MGST1: variants seen among roughly 807,000 people sequenced by gnomAD.
The protein encoded by MGST1 is microsomal glutathione S-transferase 1, also known as glutathione S-transferase 12.
In MGST1, 5 loss-of-function variants were observed where a neutral mutation model predicts 8.9. The observed-to-expected ratio is 0.56, with a 90% confidence interval of 0.29 to 1.19. The LOEUF is 1.19. Ranked by LOEUF, MGST1 falls within the 50% of genes most tolerant of loss-of-function variation. The probability of loss-of-function intolerance (pLI) is 0.08; values close to 1 mark genes in which losing one functional copy is unlikely to be tolerated. For missense variants in MGST1, 182 were observed against 187.4 expected, an observed-to-expected ratio of 0.97 and a Z score of 0.17; for synonymous variants, 54 against 67.8, an observed-to-expected ratio of 0.80 and a Z score of 1.00.
At chr12:16,577,187 A>G (rs1354222820) in intron 4 of MGST1, among the ~76,000 whole-genome samples, 1 of 152,176 alleles carries the variant, frequency 6.6e-6, no homozygotes, top group Non-Finnish European at 1.5e-5. Context: ...CTAAAGAGTT[A>G]ACAAACAGCA....
downstream of MGST1, among the ~76,000 whole-genome samples, chr12:16,590,855 C>T (rs991906866): frequency 1.3e-5 from 2 of 151,940 alleles, no homozygotes; most frequent in Non-Finnish European, 2.9e-5. Flanking sequence ...ATCACGTGAC[C>T]AAATCCAGAA....
At chr12:16,554,013 C>T (rs1257583857) in intron 4 of MGST1, among the ~76,000 whole-genome samples, 1 of 151,918 alleles carries the variant, frequency 6.6e-6, no homozygotes, top group Non-Finnish European at 1.5e-5. Flanking sequence ...ATTAATTTTA[C>T]CCTCATTTAA....
Position 16,356,100 on chromosome 12 carries a change from C to T in MGST1, c.127-1505C>T, listed in dbSNP as rs149437502. Among the ~76,000 whole-genome samples, 47 of 152,292 alleles carry T rather than the reference C, an allele frequency of 3.1e-4. 1 individual carries two copies. In the South Asian group the frequency reaches 7.5e-3, roughly 24 times the overall value. On this transcript the variant is annotated intron_variant, in intron 2 of 3. Transcript: ENST00000396210. Reference sequence around the variant, plus strand: ...TTTAATCTCATTCATGAGGACTCCACTCTCTTCACCTAATTACCTCCCAAA... The same window carrying T: ...TTTAATCTCATTCATGAGGACTCCATTCTCTTCACCTAATTACCTCCCAAA...
intron 4 of MGST1, among the ~76,000 whole-genome samples, chr12:16,452,429 TG>T (rs1292158117): frequency 2.0e-5 from 3 of 151,342 alleles, no homozygotes; most frequent in Non-Finnish European, 4.4e-5. Flanking sequence ...ACTGTTTGGT[TG>T]TCATCATGAT....
At chr12:16,380,839 C>G (rs1228863413), downstream of MGST1, among the ~76,000 whole-genome samples, 2 of 152,132 alleles carry the variant, frequency 1.3e-5, no homozygotes, top group Admixed American at 6.6e-5. Flanking sequence ...GTATTGGGTG[C>G]ATATATATTT....
Position 16,585,936 on chromosome 12 carries a change from C to T in MGST1, n.483-3592C>T, listed in dbSNP as rs12366554. On this transcript the variant is annotated intron_variant and non_coding_transcript_variant, in intron 4 of 4. Coordinates refer to the MGST1 transcript ENST00000538857. This position sits in a 1 kb window ranked among gnomAD's most constrained non-coding sequence, Gnocchi z 4.7. Reference sequence around the variant, plus strand: ...AATCTTGCTTATCCTAAGATCTGGGCGACATTTCACCAGTGAGGCGGTAGG... The same window carrying T: ...AATCTTGCTTATCCTAAGATCTGGGTGACATTTCACCAGTGAGGCGGTAGG... 3.0e-4 allele frequency among the ~76,000 whole-genome samples: 45 copies of T among 152,166 alleles called. No homozygotes were observed. The East Asian group carries it at 4.8e-3, about 16-fold the overall frequency.
chr12:16,352,204 A>G lies in MGST1; in HGVS notation c.-22-2027A>G, dbSNP rs11056901. On this transcript the variant is annotated intron_variant, in intron 1 of 3. Transcript: ENST00000396210. ...AAGTAGTGTACATAATGTACATAGTATAGTTGAACACATAGCAAGCTCTAA... is the reference window on the plus strand; with the variant it reads ...AAGTAGTGTACATAATGTACATAGTGTAGTTGAACACATAGCAAGCTCTAA... Among the ~76,000 whole-genome samples the G allele has an allele frequency of 4.7e-3, 709 of 152,362 alleles. 8 individuals are homozygous for G. In the East Asian group the frequency reaches 0.049, roughly 10 times the overall value.
chr12:16,507,730 A>G (rs1336776906), intron 4 of MGST1, among the ~76,000 whole-genome samples: 2 of 152,074 alleles, frequency 1.3e-5, no homozygotes, highest in Admixed American at 1.3e-4. Flanking sequence ...GAAGTGCTAC[A>G]CTTTCAAACA....
intron 1 of MGST1, among the ~76,000 whole-genome samples, chr12:16,422,189 G>T (rs2137084853): frequency 6.6e-6 from 1 of 152,236 alleles, no homozygotes; most frequent in Non-Finnish European, 1.5e-5. Context: ...TCTTCTGTGG[G>T]ACATGTGCTC....
At chr12:16,579,566 A>G (rs1943096482) in intron 4 of MGST1, among the ~76,000 whole-genome samples, 2 of 152,222 alleles carry the variant, frequency 1.3e-5, no homozygotes, top group African/African-American at 4.8e-5. Flanking sequence ...AAAAGATTTT[A>G]GAATCTTAGC....
intron 2 of MGST1, among the ~76,000 whole-genome samples, chr12:16,355,527 T>A (rs992927459): frequency 1.3e-5 from 2 of 152,020 alleles, no homozygotes; most frequent in South Asian, 2.1e-4. Context: ...AATGGAAGGA[T>A]GTTTGCATTT....
intron 4 of MGST1, among the ~76,000 whole-genome samples, chr12:16,467,836 G>A (rs1011418607): frequency 6.6e-6 from 1 of 152,116 alleles, no homozygotes; most frequent in Non-Finnish European, 1.5e-5. Context: ...AAATAGAATT[G>A]AGTCTTAATT....
chr12:16,423,965 T>C (rs930264432), intron 1 of MGST1, among the ~76,000 whole-genome samples: 1 of 152,168 alleles, frequency 6.6e-6, no homozygotes, highest in African/African-American at 2.4e-5. Flanking sequence ...TCTCCCAATA[T>C]ATCTAATGTA....
chr12:16,469,217 T>C (rs1941276179), intron 4 of MGST1, among the ~76,000 whole-genome samples: 1 of 124,168 alleles, frequency 8.1e-6, no homozygotes, highest in Non-Finnish European at 1.6e-5. Flanking sequence ...AGAGCCTCAC[T>C]CTGTTGCCCA....
intron 3 of MGST1, among the ~76,000 whole-genome samples, chr12:16,371,933 A>T (rs1160442827): frequency 6.6e-6 from 1 of 152,110 alleles, no homozygotes; most frequent in African/African-American, 2.4e-5. Context: ...TGCATTAGGG[A>T]AAGAACAGTC....
At chr12:16,551,613 C>T (rs1329075559) in intron 4 of MGST1, among the ~76,000 whole-genome samples, 2 of 147,146 alleles carry the variant, frequency 1.4e-5, no homozygotes, top group East Asian at 3.9e-4. Context: ...TTTTAAACCA[C>T]ACTGGAAAGA....
intron 3 of MGST1, among the ~76,000 whole-genome samples, chr12:16,375,906 C>A (rs1219233561): frequency 6.6e-6 from 1 of 151,742 alleles, no homozygotes; most frequent in East Asian, 1.9e-4. Context: ...CAAAAGGACT[C>A]TAGACTAAAT....
At chr12:16,347,454 CAG>C (rs1939252216), upstream of MGST1, among the ~76,000 whole-genome samples, 1 of 152,034 alleles carries the variant, frequency 6.6e-6, no homozygotes, top group Non-Finnish European at 1.5e-5. This position sits in a 1 kb window ranked among gnomAD's most constrained non-coding sequence, Gnocchi z 4.0. Flanking sequence ...TTTCAGGAAC[CAG>C]AGTTTCTAAG....
At position 16,357,684 on chromosome 12, in the gene MGST1, T is replaced by C; in HGVS notation, c.206T>C (p.Val69Ala). Residue 69 changes from valine (V) to alanine (A), a missense_variant, in exon 3 of 4, where the codon GTA becomes GCA. Physicochemically the swap from Val to Ala is moderately conservative, Grantham distance 64. Coordinates refer to ENST00000396210, the MANE Select transcript of MGST1 (RefSeq NM_020300.5). Reference sequence around the variant, plus strand: ...AAGTATCTTCGAACAGATGACAGAGTAGAACGTGTACGCAGGTAAACCAGT... The same window carrying C: ...AAGTATCTTCGAACAGATGACAGAGCAGAACGTGTACGCAGGTAAACCAGT... The part of the protein sequence containing the change: ...AKKYLRTDDR[V>A]ERVRRAHLND... 1 of 1,613,390 alleles carries C rather than the reference T, an allele frequency of 6.2e-7. No homozygotes were observed. The highest frequency in any genetic ancestry group is 1.1e-5 in the South Asian group (1 of 90,958).
Sources: gnomAD v4.1 joint callset for allele counts (sites outside exome capture counted in the v4.1 genomes callset) on GRCh38, gnomAD v4.1.1 for gene constraint, Gnocchi (gnomAD v3.1) non-coding constraint, MANE v1.5 for transcripts, NCBI Gene and HGNC (gene_info 2026-07-23, HGNC 2026-07-21) for gene names.